Variants in ROR1 observed in about 807,000 individuals in gnomAD.
The protein encoded by ROR1 is inactive tyrosine-protein kinase transmembrane receptor ROR1.
ROR1 carries 19 observed loss-of-function variants against 78.8 expected under a neutral mutation model. That is an observed-to-expected ratio of 0.24 (90% CI 0.17 to 0.35). ROR1 has a LOEUF of 0.35. ROR1 is among the 10% of genes least tolerant of loss of function. The pLI is 1.00. For synonymous variants in ROR1, 386 were observed against 433.6 expected, an observed-to-expected ratio of 0.89 and a Z score of 1.36; for missense variants, 917 against 1,177.8, an observed-to-expected ratio of 0.78 and a Z score of 3.24.
At chr1:63,864,451 A>T (rs978052603) in intron 1 of ROR1, among the ~76,000 whole-genome samples, 1 of 152,058 alleles carries the variant, frequency 6.6e-6, no homozygotes. Flanking sequence ...GTCTCAGGTG[A>T]CTCATGAACC....
intron 3 of ROR1, 73 bp from the exon 4 acceptor site, chr1:64,050,612 AT>A: frequency 7.4e-7 from 1 of 1,351,554 alleles, no homozygotes; most frequent in Non-Finnish European, 1.1e-6. Context: ...ATTTGTAATG[AT>A]TTGACTGTAT....
chr1:63,791,521 C>T (rs1644726787), intron 1 of ROR1, among the ~76,000 whole-genome samples: 1 of 152,104 alleles, frequency 6.6e-6, no homozygotes, highest in Non-Finnish European at 1.5e-5. Flanking sequence ...ACTTCCCAGG[C>T]CCCTTTCTGT....
At chr1:64,163,222 AACACACACACACACACAC>A (rs57880828) in intron 8 of ROR1, among the ~76,000 whole-genome samples, 32 of 137,760 alleles carry the variant, frequency 2.3e-4, no homozygotes, top group South Asian at 1.5e-3. Context: ...CATCTCTACA[AACACACACACACACACAC>A]ACACACACAC....
intron 1 of ROR1, among the ~76,000 whole-genome samples, chr1:63,838,806 A>G (rs1371834601): frequency 2.0e-5 from 3 of 152,184 alleles, no homozygotes; most frequent in Non-Finnish European, 4.4e-5. Flanking sequence ...TGCAAGCTCC[A>G]TTCATGATAA....
At chr1:64,032,903 G>A (rs1646673061) in intron 2 of ROR1, among the ~76,000 whole-genome samples, 1 of 152,096 alleles carries the variant, frequency 6.6e-6, no homozygotes, top group Non-Finnish European at 1.5e-5. Flanking sequence ...CTTATATGAG[G>A]TACCTAGAGT....
chr1:63,836,257 A>G (rs1239100567), intron 1 of ROR1, among the ~76,000 whole-genome samples: 1 of 152,232 alleles, frequency 6.6e-6, no homozygotes, highest in African/African-American at 2.4e-5. Flanking sequence ...TCCGTCCATG[A>G]TTCACACTCA....
chr1:63,834,032 A>G (rs2100302931), intron 1 of ROR1, among the ~76,000 whole-genome samples: 1 of 150,842 alleles, frequency 6.6e-6, no homozygotes, highest in East Asian at 1.9e-4. Context: ...ACTCAGGGAA[A>G]AAGCTCAGTT....
chr1:63,785,371 GT>G, intron 1 of ROR1, among the ~76,000 whole-genome samples: 1 of 152,152 alleles, frequency 6.6e-6, no homozygotes. Flanking sequence ...AGTCATGACT[GT>G]TTTATCTCCT....
intron 1 of ROR1, among the ~76,000 whole-genome samples, chr1:63,944,785 C>T (rs1232867139): frequency 1.3e-5 from 2 of 152,148 alleles, no homozygotes; most frequent in Non-Finnish European, 2.9e-5. Context: ...CTGACACTGA[C>T]ATCATGGATA....
intron 1 of ROR1, among the ~76,000 whole-genome samples, chr1:63,833,126 A>G (rs771243923): frequency 3.3e-5 from 5 of 152,244 alleles, no homozygotes; most frequent in African/African-American, 4.8e-5. Context: ...ATGTTGTGTT[A>G]TAGCAGAACT....
rs1569610187 is a variant in ROR1, at chr1:64,042,277, A to AT, written c.164-7407dup. ...CTAAGGGTGGGACCCAGGTATCAGTATTTTTTTCTGGAATACTTTTGATAT... is the reference window on the plus strand; with the variant it reads ...CTAAGGGTGGGACCCAGGTATCAGTATTTTTTTTCTGGAATACTTTTGATAT... On this transcript the variant is annotated intron_variant, in intron 2 of 8. Coordinates refer to ENST00000371079, the MANE Select transcript of ROR1 (RefSeq NM_005012.4). Among the ~76,000 whole-genome samples, 3 of 152,124 alleles carry AT rather than the reference A, an allele frequency of 2.0e-5. No homozygotes were observed. In the East Asian group the frequency reaches 5.8e-4, roughly 29 times the overall value.
chr1:64,124,439 T>C (rs1569812497), intron 4 of ROR1, among the ~76,000 whole-genome samples: 1 of 152,126 alleles, frequency 6.6e-6, no homozygotes, highest in East Asian at 1.9e-4. Context: ...TTCTTCACTG[T>C]CTATTCTCTC....
intron 1 of ROR1, among the ~76,000 whole-genome samples, chr1:63,822,072 G>A (rs897122482): frequency 2.0e-5 from 3 of 152,214 alleles, no homozygotes; most frequent in African/African-American, 7.2e-5. Context: ...CTTTTGTTAA[G>A]AAATTAACCA....
At chr1:64,073,241 T>G (rs1647021760) in intron 4 of ROR1, among the ~76,000 whole-genome samples, 1 of 152,176 alleles carries the variant, frequency 6.6e-6, no homozygotes, top group South Asian at 2.1e-4. Flanking sequence ...AGTGAACCCC[T>G]GAGAAAATAC....
At chr1:63,825,320 C>G (rs142095817) in intron 1 of ROR1, among the ~76,000 whole-genome samples, 2 of 152,110 alleles carry the variant, frequency 1.3e-5, no homozygotes. Flanking sequence ...TGTGGTATAT[C>G]TATACAATAG....
intron 4 of ROR1, among the ~76,000 whole-genome samples, chr1:64,101,613 A>G (rs1290894215): frequency 6.6e-6 from 1 of 152,168 alleles, no homozygotes; most frequent in Non-Finnish European, 1.5e-5. Flanking sequence ...ATTCTGCTCT[A>G]TTGCTTGTGG....
chr1:63,876,733 C>T (rs1174207357), intron 1 of ROR1, among the ~76,000 whole-genome samples: 3 of 151,104 alleles, frequency 2.0e-5, no homozygotes, highest in Non-Finnish European at 4.4e-5. Flanking sequence ...CATTCGTTCT[C>T]TTTCTTCCTC....
At chr1:63,779,420 G>A (rs142672358) in intron 1 of ROR1, among the ~76,000 whole-genome samples, 1 of 152,180 alleles carries the variant, frequency 6.6e-6, no homozygotes, top group Non-Finnish European at 1.5e-5. Flanking sequence ...AAACAGAAGG[G>A]CCTTAGCCTG....
At chr1:64,142,709 C>T (rs1361555370) in intron 7 of ROR1, 59 bp downstream of exon 7, 1 of 1,596,826 alleles carries the variant, frequency 6.3e-7, no homozygotes, top group Non-Finnish European at 8.5e-7. Context: ...CCTATCCTAC[C>T]CCTCTTATTT....
Sources: allele counts gnomAD v4.1 joint callset (sites outside exome capture counted in the v4.1 genomes callset), GRCh38; gene constraint gnomAD v4.1.1; transcripts MANE v1.5; gene names NCBI Gene and HGNC (gene_info 2026-07-23, HGNC 2026-07-21).